Variants in RBFOX1 observed in about 807,000 individuals in gnomAD.
RBFOX1 encodes RNA binding fox-1 homolog 1.
Under a neutral mutation model 57.7 loss-of-function variants are expected in RBFOX1, and 8 were observed. The observed-to-expected ratio is 0.14, with a 90% confidence interval of 0.08 to 0.25. The LOEUF (loss-of-function observed/expected upper bound fraction) is 0.25. Among genes scored for constraint, RBFOX1 ranks in the 10% least tolerant of loss-of-function variants. The pLI is 1.00. For synonymous variants in RBFOX1, 326 were observed against 222.4 expected (o/e 1.47, Z -4.15); for missense variants, 611 against 548.5 (o/e 1.11, Z -1.14).
chr16:6,753,644 C>T (rs750814595), intron 3 of RBFOX1, among the ~76,000 whole-genome samples: 5 of 152,164 alleles, frequency 3.3e-5, no homozygotes, highest in Admixed American at 6.5e-5. Context: ...GAAAAAGAAA[C>T]GTACTTCTCG....
At chr16:5,704,733 C>A (rs73518013) in intron 3 of RBFOX1, among the ~76,000 whole-genome samples, 5,233 of 152,210 alleles carry the variant, frequency 0.034, 281 homozygotes, top group African/African-American at 0.11. Context: ...CTCCCAGGAC[C>A]CCTCAACTCC....
intron 1 of RBFOX1, among the ~76,000 whole-genome samples, chr16:6,308,116 T>C (rs2079758122): frequency 6.6e-6 from 1 of 151,602 alleles, no homozygotes; most frequent in Non-Finnish European, 1.5e-5. Flanking sequence ...TTACATACTT[T>C]TATAAATGAT....
rs193017444 is a variant in RBFOX1, at chr16:7,637,698, T to C, written c.757+7015T>C. On this transcript the variant is annotated intron_variant, in intron 11 of 15. Transcript: ENST00000550418. Reference sequence around the variant, plus strand: ...GGTGTAAAGAATTGTGTCTTCTTTTTCCCTCACTTGCCAGTGTCTGACAGC... The same window carrying C: ...GGTGTAAAGAATTGTGTCTTCTTTTCCCCTCACTTGCCAGTGTCTGACAGC... Among the ~76,000 whole-genome samples, 308 of 152,328 alleles carry C rather than the reference T, an allele frequency of 2.0e-3. 1 individual carries two copies. The highest frequency in any genetic ancestry group is 7.1e-3 in the African/African-American group (296 of 41,586).
intron 3 of RBFOX1, among the ~76,000 whole-genome samples, chr16:5,725,796 C>T (rs2052128808): frequency 6.6e-6 from 1 of 151,914 alleles, no homozygotes; most frequent in African/African-American, 2.4e-5. Context: ...GCCCTCTCCC[C>T]ACTCAGGGCT....
At chr16:7,155,156 G>C (rs1040401009) in intron 4 of RBFOX1, among the ~76,000 whole-genome samples, 5 of 152,098 alleles carry the variant, frequency 3.3e-5, no homozygotes, top group Non-Finnish European at 7.4e-5. Flanking sequence ...TTTTTGAAGA[G>C]GCTGAGTACT....
At chr16:6,308,733 A>C (rs2079857412) in intron 1 of RBFOX1, among the ~76,000 whole-genome samples, 1 of 152,240 alleles carries the variant, frequency 6.6e-6, no homozygotes, top group Non-Finnish European at 1.5e-5. Flanking sequence ...AAAGCAGGCT[A>C]TTCGACCAGG....
intron 2 of RBFOX1, among the ~76,000 whole-genome samples, chr16:6,362,717 C>T (rs368125253): frequency 6.6e-6 from 1 of 152,308 alleles, no homozygotes; most frequent in East Asian, 1.9e-4. Context: ...TCACAAGTTC[C>T]TGTTATTGAT....
At chr16:6,733,210 T>G (rs1027396896) in intron 3 of RBFOX1, among the ~76,000 whole-genome samples, 3 of 152,194 alleles carry the variant, frequency 2.0e-5, no homozygotes, top group Non-Finnish European at 4.4e-5. Flanking sequence ...CACTATTTAT[T>G]TATTAGCAGG....
At chr16:5,672,822 A>T (rs1418583697) in intron 3 of RBFOX1, among the ~76,000 whole-genome samples, 1 of 152,032 alleles carries the variant, frequency 6.6e-6, no homozygotes, top group Non-Finnish European at 1.5e-5. Context: ...CCAGAGAAAT[A>T]AGAGAGGGAT....
intron 3 of RBFOX1, among the ~76,000 whole-genome samples, chr16:6,940,391 A>T (rs549651202): frequency 2.6e-5 from 4 of 152,286 alleles, no homozygotes; most frequent in African/African-American, 9.6e-5. Flanking sequence ...AATTCCAGGA[A>T]CTTAACAATT....
rs1270247636 is a variant in RBFOX1, at chr16:5,458,987, C to T, written c.220-8229C>T. ...CTCCTCCATCAAGATGCTTCCATCT[C>T]TGTACCACTCTTGGCCCATGTGATG... On this transcript the variant is annotated intron_variant, in intron 1 of 2. Coordinates refer to the RBFOX1 transcript ENST00000585867. Among the ~76,000 whole-genome samples the T allele has an allele frequency of 1.3e-5, 2 of 152,214 alleles. 1 individual carries two copies. Among genetic ancestry groups the T allele is most frequent in the Non-Finnish European group, 2.9e-5 (2 of 68,032 alleles).
At chr16:6,469,328 A>T (rs1390244896) in intron 2 of RBFOX1, among the ~76,000 whole-genome samples, 1 of 152,148 alleles carries the variant, frequency 6.6e-6, no homozygotes, top group Admixed American at 6.5e-5. Flanking sequence ...ATGGGATTCA[A>T]ATGATCCCAC....
At chr16:6,248,860 AAAGAGCTTAC>A (rs1390595065) in intron 1 of RBFOX1, among the ~76,000 whole-genome samples, 8 of 152,116 alleles carry the variant, frequency 5.3e-5, no homozygotes, top group Admixed American at 5.2e-4. Flanking sequence ...CAACACATGA[AAAGAGCTTAC>A]AAGAGCACCT....
chr16:6,812,718 A>G (rs1567359068), intron 3 of RBFOX1, among the ~76,000 whole-genome samples: 1 of 152,142 alleles, frequency 6.6e-6, no homozygotes, highest in Admixed American at 6.6e-5. Flanking sequence ...TAAATCTTTT[A>G]GGACAAGTGT....
At chr16:5,394,224 A>G (rs2066487686) in intron 1 of RBFOX1, among the ~76,000 whole-genome samples, 1 of 151,962 alleles carries the variant, frequency 6.6e-6, no homozygotes, top group Admixed American at 6.6e-5. Context: ...GGGCTTCACC[A>G]TGTTGGCCAG....
chr16:7,295,270 A>G (rs905888754), intron 4 of RBFOX1, among the ~76,000 whole-genome samples: 2 of 152,174 alleles, frequency 1.3e-5, no homozygotes, highest in Non-Finnish European at 2.9e-5. Context: ...CATGTCATTT[A>G]AAAAAACTTT....
chr16:7,016,163 C>T (rs965076017), intron 3 of RBFOX1, among the ~76,000 whole-genome samples: 2 of 152,134 alleles, frequency 1.3e-5, no homozygotes, highest in Non-Finnish European at 2.9e-5. Flanking sequence ...ACATGACCAT[C>T]CCTTGCCGCG....
At chr16:7,710,283 T>G in intron 15 of RBFOX1, 1 of 1,126,172 alleles carries the variant, frequency 8.9e-7, no homozygotes, top group Non-Finnish European at 1.1e-6. Context: ...TGAATTACAT[T>G]CAACAACTGG....
intron 3 of RBFOX1, among the ~76,000 whole-genome samples, chr16:6,749,932 GTCAGGGTGT>G (rs1415808371): frequency 1.3e-5 from 2 of 152,314 alleles, no homozygotes; most frequent in East Asian, 1.9e-4. Context: ...AGCTGACTGT[GTCAGGGTGT>G]TCAGAGTTAG....
Sources: gnomAD v4.1 joint callset for allele counts (sites outside exome capture counted in the v4.1 genomes callset) on GRCh38, gnomAD v4.1.1 for gene constraint, MANE v1.5 for transcripts, NCBI Gene and HGNC (gene_info 2026-07-23, HGNC 2026-07-21) for gene names.